Variants in UTY observed in about 807,000 individuals in gnomAD.
UTY encodes histone demethylase UTY.
UTY carries 12 observed loss-of-function variants against 32.5 expected under a neutral mutation model. That is an observed-to-expected ratio of 0.37 (90% confidence interval 0.24 to 0.60). The LOEUF is 0.60. UTY is among the 20% of genes least tolerant of loss of function. The pLI is 0.69. For missense variants in UTY, 303 were observed against 299.2 expected (o/e 1.01, Z -0.09); for synonymous variants, 131 against 103.4 (o/e 1.27, Z -1.62).
chrY:13,454,706 G>A, intron 3 of UTY, among the ~76,000 whole-genome samples: 1 of 32,179 alleles, frequency 3.1e-5, no homozygotes, highest in African/African-American at 1.2e-4. Context: ...CGGAGGCCAA[G>A]GTGGGCAGAT....
chrY:13,320,557 G>A (rs1024940999), intron 21 of UTY, among the ~76,000 whole-genome samples: 4 of 32,879 alleles, frequency 1.2e-4, no homozygotes, highest in Non-Finnish European at 2.2e-4. Flanking sequence ...AATAGAATTC[G>A]AAGTAATCTT....
At chrY:13,281,128 C>T (rs2056988445) in intron 27 of UTY, among the ~76,000 whole-genome samples, 1 of 33,486 alleles carries the variant, frequency 3.0e-5, no homozygotes, top group South Asian at 6.5e-4. Flanking sequence ...ATACCAGACT[C>T]GCTCTACAAG....
At chrY:13,354,838 A>G in intron 17 of UTY, 165 bp downstream of exon 17, 1 of 362,536 alleles carries the variant, frequency 2.8e-6, no homozygotes, top group South Asian at 3.4e-5. Context: ...GTAGGCCTGT[A>G]ATGATCCTGG....
chrY:13,415,672 G>C, intron 4 of UTY, among the ~76,000 whole-genome samples: 1 of 33,900 alleles, frequency 2.9e-5, no homozygotes, highest in Non-Finnish European at 7.4e-5. Flanking sequence ...CTATGACCTA[G>C]AGGCTACACC....
chrY:13,275,582 A>C, intron 27 of UTY, among the ~76,000 whole-genome samples: 3 of 34,014 alleles, frequency 8.8e-5, no homozygotes, highest in Non-Finnish European at 7.3e-5. Flanking sequence ...CTTTAGCTTC[A>C]ATCTCAGTGA....
chrY:13,262,083 A>G (rs2055318197), intron 27 of UTY, among the ~76,000 whole-genome samples: 1 of 33,594 alleles, frequency 3.0e-5, no homozygotes, highest in South Asian at 6.5e-4. Flanking sequence ...AAAACATGTC[A>G]TATTTCACAA....
Position 13,358,614 on chromosome Y carries a change from A to G in UTY, c.1326T>C (p.Tyr442=). The change falls in exon 14 of 30, where the codon TAT becomes TAC. Residue 442 remains tyrosine, a synonymous_variant. Coordinates refer to ENST00000545955, the MANE Select transcript of UTY (RefSeq NM_001258249.2). ...QGAMNTAQQA[Y]RAHDPNTEHV... The stretch of plus-strand genomic sequence containing the variant: ...GTTCAGTATTTGGATCATGAGCTCT[A>G]TAAGCCTAAGGATCACAGAAGTAAG... 4 of 373,434 alleles carry G rather than the reference A, an allele frequency of 1.1e-5. No homozygotes were observed. Among genetic ancestry groups the G allele is most frequent in the Non-Finnish European group, 1.5e-5 (4 of 270,602 alleles). 93.1% of individuals were successfully genotyped at this position (373,434 alleles called of 400,897 possible).
At chrY:13,352,759 AC>A (rs2062523301) in intron 17 of UTY, among the ~76,000 whole-genome samples, 1 of 34,305 alleles carries the variant, frequency 2.9e-5, no homozygotes, top group African/African-American at 1.1e-4. Context: ...CCATGGACAT[AC>A]AAATGTTAAG....
chrY:13,276,250 A>AAATG (rs2056669452), intron 27 of UTY, among the ~76,000 whole-genome samples: 5 of 33,347 alleles, frequency 1.5e-4, no homozygotes, highest in East Asian at 7.7e-4. Context: ...CCTGTATCAA[A>AAATG]AATGAATGAA....
intron 8 of UTY, among the ~76,000 whole-genome samples, chrY:13,388,333 A>G: frequency 2.9e-5 from 1 of 34,062 alleles, no homozygotes; most frequent in African/African-American, 1.1e-4. Context: ...ACATTTCACA[A>G]CATGCATTAT....
intron 27 of UTY, among the ~76,000 whole-genome samples, chrY:13,283,211 A>AAGCAT (rs2057150020): frequency 2.9e-5 from 1 of 33,970 alleles, no homozygotes; most frequent in African/African-American, 1.1e-4. Context: ...TCACCCATGG[A>AAGCAT]GTGCCTGCAT....
chrY:13,476,409 A>G (rs2079057849), intron 2 of UTY, among the ~76,000 whole-genome samples: 1 of 32,861 alleles, frequency 3.0e-5, no homozygotes, highest in Non-Finnish European at 7.4e-5. Context: ...CATATAACGC[A>G]AGATCTTAAA....
intron 17 of UTY, among the ~76,000 whole-genome samples, chrY:13,341,156 G>A (rs2061457230): frequency 3.0e-5 from 1 of 33,544 alleles, no homozygotes; most frequent in African/African-American, 1.2e-4. Flanking sequence ...ATCAGTGTAT[G>A]GTTAATGCAG....
chrY:13,357,257 C>T, intron 15 of UTY, among the ~76,000 whole-genome samples: 1 of 32,583 alleles, frequency 3.1e-5, no homozygotes, highest in Non-Finnish European at 7.5e-5. Context: ...AAAAAAACAA[C>T]AAGAGAGACT....
chrY:13,477,359 C>A, intron 2 of UTY, among the ~76,000 whole-genome samples: 1 of 33,316 alleles, frequency 3.0e-5, no homozygotes, highest in Non-Finnish European at 7.4e-5. Flanking sequence ...TGCCCTTCCA[C>A]CTTCTCCAAA....
At chrY:13,289,248 G>C (rs2057608303) in intron 27 of UTY, among the ~76,000 whole-genome samples, 4 of 33,644 alleles carry the variant, frequency 1.2e-4, no homozygotes, top group African/African-American at 4.6e-4. Flanking sequence ...ATTCTCAAAG[G>C]GGGGAAATGA....
chrY:13,337,479 G>C (rs751323890), intron 17 of UTY, among the ~76,000 whole-genome samples: 1 of 32,537 alleles, frequency 3.1e-5, no homozygotes, highest in South Asian at 6.9e-4. Flanking sequence ...CTTGAATATA[G>C]ACAACAGGAT....
intron 4 of UTY, among the ~76,000 whole-genome samples, chrY:13,444,907 C>A (rs767940160): frequency 3.1e-5 from 1 of 32,116 alleles, no homozygotes; most frequent in East Asian, 8.2e-4. Context: ...CCTGTAATCC[C>A]AGCACTTTGG....
intron 4 of UTY, among the ~76,000 whole-genome samples, chrY:13,440,685 T>C: frequency 6.0e-5 from 2 of 33,525 alleles, no homozygotes; most frequent in Non-Finnish European, 1.5e-4. Context: ...CTGTGTCTGC[T>C]ATGACCCCAA....
Sources: gnomAD v4.1 joint callset for allele counts (sites outside exome capture counted in the v4.1 genomes callset) on GRCh38, gnomAD v4.1.1 for gene constraint, MANE v1.5 for transcripts, NCBI Gene and HGNC (gene_info 2026-07-23, HGNC 2026-07-21) for gene names.